MLLT3: variants seen among roughly 807,000 people sequenced by gnomAD.
MLLT3 encodes the protein protein AF-9.
MLLT3 carries 4 observed loss-of-function variants against 53.2 expected under a neutral mutation model. The observed-to-expected ratio is 0.08, with a 90% CI of 0.04 to 0.17. The LOEUF (loss-of-function observed/expected upper bound fraction) is 0.17. MLLT3 is among the 10% of genes least tolerant of loss of function. The pLI is 1.00. For missense variants in MLLT3, 569 were observed against 684.0 expected (o/e 0.83, Z 1.87); for synonymous variants, 283 against 230.6 (o/e 1.23, Z -2.06).
chr9:20,394,118 A>G lies in MLLT3; in HGVS notation c.1125+19603T>C, dbSNP rs550504352. Among the ~76,000 whole-genome samples the G allele has an allele frequency of 3.7e-4, 56 of 152,272 alleles. No individual in the cohort carries two copies. The Middle Eastern group carries it at 0.024, about 65-fold the overall frequency. ...TGCAGTTTATAGAATTTTCACCTGT[A>G]CAACACAGCAAGGAGCTGGCTGGAT... On this transcript the variant is annotated intron_variant, in intron 5 of 10. Coordinates refer to ENST00000380338, the MANE Select transcript of MLLT3 (RefSeq NM_004529.4).
chr9:20,437,105 T>C (rs1315907124), intron 4 of MLLT3, among the ~76,000 whole-genome samples: 3 of 152,118 alleles, frequency 2.0e-5, no homozygotes, highest in South Asian at 2.1e-4. Flanking sequence ...ACTGTTATGC[T>C]GTATCCATTG....
chr9:20,434,497 C>G (rs1486307258), intron 4 of MLLT3, among the ~76,000 whole-genome samples: 1 of 151,398 alleles, frequency 6.6e-6, no homozygotes, highest in Non-Finnish European at 1.5e-5. Flanking sequence ...GCACTGAAAT[C>G]AGAGGATGTC....
At chr9:20,402,088 G>T (rs573305675) in intron 5 of MLLT3, among the ~76,000 whole-genome samples, 1 of 152,280 alleles carries the variant, frequency 6.6e-6, no homozygotes, top group South Asian at 2.1e-4. Flanking sequence ...AGGAAGGTCA[G>T]CAGGTAAAGG....
chr9:20,422,040 C>G (rs1563959754), intron 4 of MLLT3, among the ~76,000 whole-genome samples: 1 of 151,948 alleles, frequency 6.6e-6, no homozygotes, highest in Admixed American at 6.6e-5. Flanking sequence ...TATTTAAACA[C>G]CGAGTCTAAA....
intron 2 of MLLT3, among the ~76,000 whole-genome samples, chr9:20,511,091 T>A (rs1036304811): frequency 2.0e-5 from 3 of 152,182 alleles, no homozygotes; most frequent in African/African-American, 7.2e-5. Flanking sequence ...GTGACTGGTA[T>A]TATTTAATAT....
At chr9:20,615,410 T>C (rs1205594003) in intron 2 of MLLT3, among the ~76,000 whole-genome samples, 2 of 93,266 alleles carry the variant, frequency 2.1e-5, no homozygotes, top group East Asian at 6.3e-4. Context: ...TGGATAGTAA[T>C]AGTAGCTATA....
chr9:20,464,076 GA>G (rs1264939845), intron 2 of MLLT3, among the ~76,000 whole-genome samples: 2 of 150,866 alleles, frequency 1.3e-5, no homozygotes, highest in Non-Finnish European at 3.0e-5. Context: ...GTAGGTAGCA[GA>G]AAAAACAAAC....
chr9:20,404,894 G>T (rs1204378869), intron 5 of MLLT3, among the ~76,000 whole-genome samples: 1 of 152,050 alleles, frequency 6.6e-6, no homozygotes, highest in African/African-American at 2.4e-5. Flanking sequence ...TGACTGGCCA[G>T]GTATGGCTAT....
chr9:20,560,200 C>T (rs953118022), intron 2 of MLLT3, among the ~76,000 whole-genome samples: 2 of 151,862 alleles, frequency 1.3e-5, no homozygotes, highest in Non-Finnish European at 2.9e-5. Context: ...AGCTGCCATG[C>T]ATAAGTTAAA....
chr9:20,433,573 G>C (rs1167714947), intron 4 of MLLT3, among the ~76,000 whole-genome samples: 1 of 152,074 alleles, frequency 6.6e-6, no homozygotes, highest in African/African-American at 2.4e-5. Context: ...TGGAAATCAG[G>C]ATCATGTGAT....
At chr9:20,585,559 TG>T (rs1422098307) in intron 2 of MLLT3, among the ~76,000 whole-genome samples, 6 of 152,358 alleles carry the variant, frequency 3.9e-5, no homozygotes, top group African/African-American at 1.4e-4. Context: ...TGAGTCCCTG[TG>T]GATCCACATC....
intron 2 of MLLT3, among the ~76,000 whole-genome samples, chr9:20,522,236 A>G (rs1436004253): frequency 6.6e-6 from 1 of 151,558 alleles, no homozygotes; most frequent in African/African-American, 2.4e-5. Context: ...GGTAGTTTCC[A>G]TTCCAAATAA....
At position 20,414,345 on chromosome 9, in the gene MLLT3, ACTGCTGCTG is replaced by A. The variant is rs749239229; in HGVS notation, c.492_500del (p.Ser188_Ser190del). On this transcript the variant is annotated inframe_deletion, in exon 5 of 11. Transcript: ENST00000380338. ...TGCTGCTGCTGCTGCTGCTGCTGCT[ACTGCTGCTG>A]CTGCTGCTGCTGCTGCTGCTGCTAC... 1.1e-4 allele frequency: 160 copies of A among 1,493,452 alleles called. 1 individual carries two copies. Among genetic ancestry groups the A allele is most frequent in the Middle Eastern group, 4.0e-4 (2 of 4,998 alleles). 92.5% of individuals were successfully genotyped at this position (1,493,452 alleles called of 1,614,324 possible).
At chr9:20,507,429 A>T (rs1217451780) in intron 2 of MLLT3, among the ~76,000 whole-genome samples, 2 of 152,170 alleles carry the variant, frequency 1.3e-5, no homozygotes, top group African/African-American at 4.8e-5. Context: ...TCATTTTTTT[A>T]AAATGAGAAT....
intron 2 of MLLT3, among the ~76,000 whole-genome samples, chr9:20,507,752 A>C (rs1039722252): frequency 7.9e-5 from 12 of 151,382 alleles, no homozygotes; most frequent in Admixed American, 3.9e-4. Flanking sequence ...GAAAAAAAAA[A>C]AAAAAAACAA....
chr9:20,579,882 A>AG (rs1819748173), intron 2 of MLLT3, among the ~76,000 whole-genome samples: 1 of 152,174 alleles, frequency 6.6e-6, no homozygotes, highest in African/African-American at 2.4e-5. Context: ...TGTTTTCTCT[A>AG]GGGGGAGAGA....
intron 4 of MLLT3, among the ~76,000 whole-genome samples, chr9:20,425,668 C>A (rs941809484): frequency 2.0e-5 from 3 of 151,918 alleles, no homozygotes; most frequent in Admixed American, 6.6e-5. Context: ...AATCTACAGA[C>A]GTAGCTTCTT....
chr9:20,365,492 C>A (rs923873993), intron 6 of MLLT3, among the ~76,000 whole-genome samples, 177 bp downstream of exon 6: 6 of 152,196 alleles, frequency 3.9e-5, no homozygotes, highest in African/African-American at 7.2e-5. Flanking sequence ...CGCATGCCAC[C>A]ACGCCTGGCT....
chr9:20,584,610 G>A (rs555555279), intron 2 of MLLT3, among the ~76,000 whole-genome samples: 2 of 152,274 alleles, frequency 1.3e-5, no homozygotes, highest in South Asian at 2.1e-4. Flanking sequence ...AGATAAATGA[G>A]GAAGAAGCAA....
Sources: gnomAD v4.1 joint callset for allele counts (sites outside exome capture counted in the v4.1 genomes callset) on GRCh38, gnomAD v4.1.1 for gene constraint, MANE v1.5 for transcripts, NCBI Gene and HGNC (gene_info 2026-07-23, HGNC 2026-07-21) for gene names.